The following ZNF141 variants were observed in gnomAD, a reference collection of about 807,000 sequenced individuals.
ZNF141 encodes the protein zinc finger protein 141, also known as zinc finger protein 141 (clone pHZ-44).
In ZNF141, 7 loss-of-function variants were observed where a neutral mutation model predicts 11.3. The ratio of observed to expected loss-of-function variants is 0.62; its 90% CI spans 0.35 to 1.16. The LOEUF is 1.16. Among genes scored for constraint, ZNF141 ranks in the 50% most tolerant of loss-of-function variants. The pLI, the probability that ZNF141 is intolerant of heterozygous loss-of-function variation, is 0.02. For missense variants in ZNF141, 535 were observed against 554.0 expected (o/e 0.97, Z 0.34); for synonymous variants, 183 against 190.7 (o/e 0.96, Z 0.33).
In ZNF141 at chr4:373,606, C is replaced by G. The variant is rs1315394305; in HGVS notation, c.1169C>G (p.Thr390Ser). ...CTGAATGAACATAAAAAAATTCATA[C>G]TGGAGAGAAACCCTACAAATGTGAA... ...RVLNEHKKIH[T>S]GEKPYKCEEC... The change falls in exon 4 of 4, where the codon ACT becomes AGT. Residue 390 changes from threonine (T) to serine (S), a missense_variant. Transcript: ENST00000240499. The G allele has an allele frequency of 1.2e-6, 2 of 1,613,992 alleles. No individual in the cohort carries two copies. Among genetic ancestry groups the G allele is most frequent in the East Asian group, 2.2e-5 (1 of 44,898 alleles).
chr4:343,875 A>T lies in ZNF141; in HGVS notation c.97A>T (p.Met33Leu). ...CCAGCAGAATTTGTATAGAGATGTG[A>T]TGTTGGAGAACTACAGGAACCTGGT... ...PDQQNLYRDV[M>L]LENYRNLVSL... Residue 33 changes from methionine to leucine, a missense_variant, in exon 2 of 4, where the codon ATG (methionine) becomes TTG (leucine). Met to Leu is a conservative substitution (Grantham distance 15, BLOSUM62 2). Coordinates refer to ENST00000240499, the MANE Select transcript of ZNF141 (RefSeq NM_003441.4). 2 of 1,609,514 alleles carry T rather than the reference A, an allele frequency of 1.2e-6. No individual in the cohort carries two copies. Among genetic ancestry groups the T allele is most frequent in the Non-Finnish European group, 1.7e-6 (2 of 1,179,070 alleles).
intron 3 of ZNF141, among the ~76,000 whole-genome samples, chr4:369,737 G>GATAT (rs1342029616): frequency 1.2e-5 from 1 of 85,088 alleles, no homozygotes; most frequent in South Asian, 4.2e-4. Context: ...TTCTTAAAGA[G>GATAT]ATATATATAT....
chr4:369,917 C>G (rs1711973614), intron 3 of ZNF141, among the ~76,000 whole-genome samples: 1 of 150,822 alleles, frequency 6.6e-6, no homozygotes, highest in Admixed American at 6.6e-5. Flanking sequence ...CAGGCACACG[C>G]CACCATGCCC....
intron 3 of ZNF141, chr4:358,065 A>T: frequency 3.7e-6 from 1 of 271,802 alleles, no homozygotes; most frequent in Non-Finnish European, 7.1e-6. Flanking sequence ...CTTACTTTTA[A>T]GTTTGCTTAT....
In ZNF141 at chr4:338,286, GAGCTGTGGGAGA is replaced by G. The variant is rs144640799; in HGVS notation, c.3+309_3+320del. On this transcript the variant is annotated intron_variant, in intron 1 of 3. Coordinates refer to ENST00000240499, the MANE Select transcript of ZNF141 (RefSeq NM_003441.4). ...GGCGTGCGCGATGCCGGCGTGGGAGGAGCTGTGGGAGAAGCTGTGGTCTGGGGATCCCGTCCC... is the reference window on the plus strand; with the variant it reads ...GGCGTGCGCGATGCCGGCGTGGGAGGAGCTGTGGTCTGGGGATCCCGTCCC... 715 of 381,620 alleles carry G rather than the reference GAGCTGTGGGAGA, an allele frequency of 1.9e-3. 3 individuals carry two copies. The highest frequency in any genetic ancestry group is 0.015 in the African/African-American group (682 of 46,556). 23.6% of individuals were successfully genotyped at this position (381,620 alleles called of 1,614,324 possible).
At chr4:338,179 CCTT>C (rs1193268437) in intron 1 of ZNF141, 193 bp downstream of exon 1, 14 of 612,852 alleles carry the variant, frequency 2.3e-5, no homozygotes, top group Non-Finnish European at 3.5e-5. Context: ...CTGCAGCCCT[CCTT>C]GTGCAGCTCT....
chr4:368,837 T>G (rs1711880517), intron 3 of ZNF141, among the ~76,000 whole-genome samples: 1 of 152,206 alleles, frequency 6.6e-6, no homozygotes, highest in South Asian at 2.1e-4. Flanking sequence ...TTTTGAAGAT[T>G]GTTGAGTGCT....
chr4:344,449 A>T lies in ZNF141; in HGVS notation c.226+19A>T, dbSNP rs1263748839. On this transcript the variant is annotated intron_variant, in intron 3 of 3. Coordinates refer to ENST00000240499, the MANE Select transcript of ZNF141 (RefSeq NM_003441.4). ...CCCCCAGGTAGGTGAGAGTGAATGGAGGAGAGGGCACAGGCAAGGGGACCA... is the reference window on the plus strand; with the variant it reads ...CCCCCAGGTAGGTGAGAGTGAATGGTGGAGAGGGCACAGGCAAGGGGACCA... 3.1e-6 allele frequency: 5 copies of T among 1,595,096 alleles called. No individual in the cohort carries two copies. Among genetic ancestry groups the T allele is most frequent in the South Asian group, 1.1e-5 (1 of 90,648 alleles).
chr4:348,129 C>A (rs994712511), intron 3 of ZNF141, among the ~76,000 whole-genome samples: 3 of 152,184 alleles, frequency 2.0e-5, no homozygotes, highest in African/African-American at 7.2e-5. Context: ...CAGGCCTGAG[C>A]CACCACACCC....
chr4:349,248 A>G (rs1415377869), intron 3 of ZNF141, among the ~76,000 whole-genome samples: 1 of 152,016 alleles, frequency 6.6e-6, no homozygotes, highest in Non-Finnish European at 1.5e-5. Flanking sequence ...AGCCTGGGCA[A>G]TAGAGTGAGG....
At chr4:367,366 T>C (rs1711794117) in intron 3 of ZNF141, among the ~76,000 whole-genome samples, 1 of 152,218 alleles carries the variant, frequency 6.6e-6, no homozygotes, top group African/African-American at 2.4e-5. Flanking sequence ...ATTGAAATCC[T>C]CCTAATTTTA....
At position 377,073 on chromosome 4, in the gene ZNF141, T is replaced by G. The variant is rs1712406801; in HGVS notation, c.*3211T>G. Among the ~76,000 whole-genome samples, 1 of 152,206 alleles carries G rather than the reference T, an allele frequency of 6.6e-6. No homozygotes were observed. The highest frequency in any genetic ancestry group is 2.1e-4 in the South Asian group (1 of 4,832). On this transcript the variant is annotated 3_prime_UTR_variant, in exon 4 of 4. Transcript: ENST00000240499. Reference sequence around the variant, plus strand: ...TTCATAATATATGTATTAAGTTATTTTAGTTAGAACATTTCATTTTGTTGT... The same window carrying G: ...TTCATAATATATGTATTAAGTTATTGTAGTTAGAACATTTCATTTTGTTGT...
At chr4:348,117 T>A (rs1721427909) in intron 3 of ZNF141, among the ~76,000 whole-genome samples, 2 of 152,188 alleles carry the variant, frequency 1.3e-5, no homozygotes, top group African/African-American at 4.8e-5. Context: ...GTGCTGAGAT[T>A]ACAGGCCTGA....
intron 1 of ZNF141, among the ~76,000 whole-genome samples, chr4:343,122 T>G (rs1029163075): frequency 1.4e-4 from 21 of 152,198 alleles, no homozygotes; most frequent in African/African-American, 5.1e-4. Flanking sequence ...AATCAGTTCC[T>G]TGCATGATTC....
intron 1 of ZNF141, among the ~76,000 whole-genome samples, chr4:339,288 ATCTCCT>A (rs1210343339): frequency 6.6e-6 from 1 of 152,178 alleles, no homozygotes; most frequent in Non-Finnish European, 1.5e-5. Context: ...CCTGATCCTA[ATCTCCT>A]CTGCCTTTAT....
intron 3 of ZNF141, among the ~76,000 whole-genome samples, chr4:360,686 T>G (rs1244467012): frequency 6.6e-6 from 1 of 152,180 alleles, no homozygotes; most frequent in Non-Finnish European, 1.5e-5. Flanking sequence ...TATTGTTTAA[T>G]TCCAATAAAA....
chr4:370,653 G>A (rs1329956743), intron 3 of ZNF141, among the ~76,000 whole-genome samples: 2 of 151,858 alleles, frequency 1.3e-5, no homozygotes, highest in African/African-American at 4.8e-5. Context: ...TTCCATTTTT[G>A]CCTTTGACTT....
chr4:383,991 T>C lies in ZNF141; in HGVS notation c.*10129T>C, dbSNP rs1253135030. 1 of 152,290 alleles carries C rather than the reference T, an allele frequency of 6.6e-6. No individual in the cohort carries two copies. The highest frequency in any genetic ancestry group is 2.4e-5 in the African/African-American group (1 of 41,444). 9.4% of individuals were successfully genotyped at this position (152,290 alleles called of 1,614,324 possible). ...TTGCTATTCCCTTCCTGTTTTTCAT[T>C]CCTTTGTGTGCTTTGTTCAATTTTT... On this transcript the variant is annotated 3_prime_UTR_variant, in exon 4 of 4. Coordinates refer to ENST00000240499, the MANE Select transcript of ZNF141 (RefSeq NM_003441.4).
At chr4:364,873 A>G (rs1711662110) in intron 3 of ZNF141, among the ~76,000 whole-genome samples, 1 of 121,920 alleles carries the variant, frequency 8.2e-6, no homozygotes, top group South Asian at 2.6e-4. Context: ...GAGCCATCAT[A>G]CAGGACGATT....
Sources: gnomAD v4.1 joint callset for allele counts (sites outside exome capture counted in the v4.1 genomes callset) on GRCh38, gnomAD v4.1.1 for gene constraint, MANE v1.5 for transcripts, NCBI Gene and HGNC (gene_info 2026-07-23, HGNC 2026-07-21) for gene names.